The following YEATS2 variants were observed in gnomAD, a reference collection of about 807,000 sequenced individuals.
YEATS2 encodes the protein YEATS domain-containing protein 2.
YEATS2 carries 77 observed loss-of-function variants against 163.2 expected under a neutral mutation model. The observed-to-expected ratio is 0.47, with a 90% CI of 0.39 to 0.57. YEATS2 has a LOEUF of 0.57. Ranked by LOEUF, YEATS2 falls within the 20% of genes least tolerant of loss-of-function variation. The pLI is 0.00. For missense variants in YEATS2, 1,549 were observed against 1,729.8 expected (o/e 0.90, Z 1.85); for synonymous variants, 631 against 645.1 (o/e 0.98, Z 0.33).
At chr3:183,706,035 TC>T (rs1238681046) in intron 1 of YEATS2, among the ~76,000 whole-genome samples, 6 of 147,406 alleles carry the variant, frequency 4.1e-5, no homozygotes, top group African/African-American at 1.3e-4. Flanking sequence ...CAAGACTGTT[TC>T]AAAAAAAAAA....
At position 183,721,935 on chromosome 3, in the gene YEATS2, C is replaced by A; in HGVS notation, c.336C>A (p.Ile112=). The part of the protein sequence containing the change: ...CDTMVFNHPA[I]KKFLESPSRS... ...CAATGGTTTTTAATCATCCTGCTATCAAGAAATTTTTGGAATCACCATCTA... is the reference window on the plus strand; with the variant it reads ...CAATGGTTTTTAATCATCCTGCTATAAAGAAATTTTTGGAATCACCATCTA... Residue 112 remains isoleucine (I), a synonymous_variant, in exon 5 of 31, where the codon ATC becomes ATA. Transcript: ENST00000305135. 6.2e-7 allele frequency: 1 copy of A among 1,614,120 alleles called. No individual in the cohort carries two copies. The highest frequency in any genetic ancestry group is 8.5e-7 in the Non-Finnish European group (1 of 1,180,022).
In YEATS2 at chr3:183,710,454, C is replaced by G. The variant is rs112059017; in HGVS notation, c.-19-4690C>G. Among the ~76,000 whole-genome samples the G allele has an allele frequency of 2.2e-4, 34 of 152,124 alleles. 1 individual carries two copies. Among genetic ancestry groups the G allele is most frequent in the Admixed American group, 6.6e-5 (1 of 15,260 alleles). ...ATTATTCTTGTGAGACAGAAGCAGA[C>G]CTGGATTATTTTTAAATGCCCAGTA... is the stretch of plus-strand genomic sequence containing the variant. On this transcript the variant is annotated intron_variant, in intron 1 of 30. Transcript: ENST00000305135.
chr3:183,802,580 A>AT (rs1725799580), intron 25 of YEATS2: 2 of 94,234 alleles, frequency 2.1e-5, no homozygotes, highest in Admixed American at 2.5e-4. Context: ...AAAATACAGA[A>AT]TGTAAGAGCT....
rs375667893 is a variant in YEATS2 at position 183,726,504 on chromosome 3, A to C, written c.650+1973A>C. 3.3e-5 allele frequency among the ~76,000 whole-genome samples: 5 copies of C among 152,170 alleles called. No individual in the cohort carries two copies. In the East Asian group the frequency reaches 7.7e-4, roughly 23 times the overall value. Reference sequence around the variant, plus strand: ...TCTAGGGGTAGATTAGGACGTTATAAATCCTCTAAAAACATAAAAATGTTA... The same window carrying C: ...TCTAGGGGTAGATTAGGACGTTATACATCCTCTAAAAACATAAAAATGTTA... On this transcript the variant is annotated intron_variant, in intron 6 of 30. Coordinates refer to ENST00000305135, the MANE Select transcript of YEATS2 (RefSeq NM_018023.5).
chr3:183,704,150 CAAAA>C (rs58466117), intron 1 of YEATS2, among the ~76,000 whole-genome samples: 1 of 95,454 alleles, frequency 1.0e-5, no homozygotes, highest in Non-Finnish European at 2.2e-5. Flanking sequence ...GACTCCATCT[CAAAA>C]AAAAAAAAAA....
At chr3:183,735,233 A>G (rs1718215538) in intron 7 of YEATS2, among the ~76,000 whole-genome samples, 1 of 152,234 alleles carries the variant, frequency 6.6e-6, no homozygotes, top group African/African-American at 2.4e-5. Flanking sequence ...TAGACTTACC[A>G]TTTAGCTTTA....
intron 18 of YEATS2, 120 bp downstream of exon 18, chr3:183,776,243 T>TTATCTA: frequency 1.9e-6 from 2 of 1,055,616 alleles, no homozygotes; most frequent in East Asian, 2.7e-5. Flanking sequence ...CTTAACCGTG[T>TTATCTA]TATCTATATC....
intron 21 of YEATS2, among the ~76,000 whole-genome samples, chr3:183,792,893 G>T (rs1233008898): frequency 6.6e-6 from 1 of 152,136 alleles, no homozygotes; most frequent in Non-Finnish European, 1.5e-5. Flanking sequence ...GTGAATATTT[G>T]TGTGTTTTGC....
Position 183,746,828 on chromosome 3 carries a change from A to T in YEATS2, c.925-844A>T, listed in dbSNP as rs548028271. 1.4e-4 allele frequency among the ~76,000 whole-genome samples: 21 copies of T among 152,224 alleles called. No individual in the cohort carries two copies. The South Asian group carries it at 2.5e-3, about 18-fold the overall frequency. On this transcript the variant is annotated intron_variant, in intron 8 of 30. Transcript: ENST00000305135. ...CTCTATGTTGGCTGCTAAGAAACTC[A>T]GCCAGACGTGACACCTACCTCTCAT...
chr3:183,720,859 G>A (rs957427809), intron 4 of YEATS2, among the ~76,000 whole-genome samples: 2 of 152,138 alleles, frequency 1.3e-5, no homozygotes, highest in Non-Finnish European at 2.9e-5. Flanking sequence ...TCTTGAGGTT[G>A]CTGCCAATCC....
Position 183,758,455 on chromosome 3 carries a change from C to G in YEATS2, c.1553-407C>G, listed in dbSNP as rs148995342. ...CTAGCAGAATGCATATATTCTGGCA[C>G]ATTTGTTAAACAGTATCATTATGTT... On this transcript the variant is annotated intron_variant, in intron 12 of 30. Coordinates refer to ENST00000305135, the MANE Select transcript of YEATS2 (RefSeq NM_018023.5). Among the ~76,000 whole-genome samples the G allele has an allele frequency of 2.9e-3, 437 of 152,302 alleles. 1 individual carries two copies. The highest frequency in any genetic ancestry group is 3.8e-3 in the Non-Finnish European group (258 of 68,012).
intron 2 of YEATS2, among the ~76,000 whole-genome samples, chr3:183,715,698 T>C (rs1408428495): frequency 6.6e-6 from 1 of 152,214 alleles, no homozygotes; most frequent in Non-Finnish European, 1.5e-5. Context: ...AAAATTATTT[T>C]TAAATGCTTG....
intron 15 of YEATS2, among the ~76,000 whole-genome samples, chr3:183,771,634 T>G (rs1722485016): frequency 6.7e-6 from 1 of 148,232 alleles, no homozygotes; most frequent in African/African-American, 2.5e-5. Flanking sequence ...CAGTGCAGCC[T>G]TGAACTCCTA....
In YEATS2 at chr3:183,811,148, G is replaced by C. The variant is rs1262424364; in HGVS notation, c.*565G>C. ...ATACCTAGAGCCAAGAACCATGAAGGCCTGAGAGACGGCAGACTGAGCAGA... is the reference window on the plus strand; with the variant it reads ...ATACCTAGAGCCAAGAACCATGAAGCCCTGAGAGACGGCAGACTGAGCAGA... On this transcript the variant is annotated 3_prime_UTR_variant, in exon 31 of 31. Coordinates refer to ENST00000305135, the MANE Select transcript of YEATS2 (RefSeq NM_018023.5). 1 of 153,154 alleles carries C rather than the reference G, an allele frequency of 6.5e-6. No homozygotes were observed. The highest frequency in any genetic ancestry group is 6.5e-5 in the Admixed American group (1 of 15,384). The allele number at this position is 153,154 out of a possible 1,614,324, so 9.5% of individuals were successfully genotyped here.
chr3:183,710,661 A>G (rs750640968), intron 1 of YEATS2, among the ~76,000 whole-genome samples: 2 of 147,836 alleles, frequency 1.4e-5, no homozygotes, highest in Non-Finnish European at 3.0e-5. Flanking sequence ...TTCTCTTCCT[A>G]GTCTTCCAGT....
intron 21 of YEATS2, among the ~76,000 whole-genome samples, chr3:183,792,096 C>T (rs1233152939): frequency 6.6e-6 from 1 of 152,098 alleles, no homozygotes; most frequent in African/African-American, 2.4e-5. Context: ...ATCTGCAATT[C>T]TAAAATCCCA....
At position 183,733,296 on chromosome 3, in the gene YEATS2, T is replaced by G. The variant is rs944287438; in HGVS notation, c.813-3422T>G. ...CATATGCTTTATGTACCACTCAGAA[T>G]CATCATAATCCCTTTTCTTTGTACA... On this transcript the variant is annotated intron_variant, in intron 7 of 30. Transcript: ENST00000305135. 2.6e-5 allele frequency among the ~76,000 whole-genome samples: 4 copies of G among 152,392 alleles called. No individual in the cohort carries two copies. In the East Asian group the frequency reaches 7.7e-4, roughly 29 times the overall value.
intron 15 of YEATS2, among the ~76,000 whole-genome samples, chr3:183,762,655 C>G (rs772985951): frequency 1.3e-5 from 2 of 150,324 alleles, no homozygotes; most frequent in Non-Finnish European, 3.0e-5. Flanking sequence ...CTCTGATGTT[C>G]GGGCTGTTAC....
intron 1 of YEATS2, among the ~76,000 whole-genome samples, chr3:183,710,114 T>A (rs898526179): frequency 2.6e-5 from 4 of 152,238 alleles, no homozygotes; most frequent in African/African-American, 9.6e-5. Context: ...TTGTATATGA[T>A]AACAGATTTT....
Sources: gnomAD v4.1 joint callset for allele counts (sites outside exome capture counted in the v4.1 genomes callset) on GRCh38, gnomAD v4.1.1 for gene constraint, MANE v1.5 for transcripts, NCBI Gene and HGNC (gene_info 2026-07-23, HGNC 2026-07-21) for gene names.